The following ANKRD30B variants were observed in gnomAD, a reference collection of about 807,000 sequenced individuals.
ANKRD30B encodes the protein ankyrin repeat domain 30B.
Under a neutral mutation model 202.2 loss-of-function variants are expected in ANKRD30B, and 144 were observed. The observed-to-expected ratio is 0.71, with a 90% CI of 0.62 to 0.82. ANKRD30B has a LOEUF of 0.82. ANKRD30B is among the 40% of genes least tolerant of loss of function. The pLI is 0.00. For missense variants in ANKRD30B, 1,487 were observed against 1,669.1 expected, an observed-to-expected ratio of 0.89 and a Z score of 1.90; for synonymous variants, 508 against 561.3, an observed-to-expected ratio of 0.91 and a Z score of 1.34.
chr18:14,874,679 C>G, the ANKRD30B span, among the ~76,000 whole-genome samples: 1 of 152,086 alleles, frequency 6.6e-6, no homozygotes, highest in Non-Finnish European at 1.5e-5. Flanking sequence ...TGGCCACCCT[C>G]CCGAAGTTGT....
the ANKRD30B span, among the ~76,000 whole-genome samples, chr18:14,907,729 C>T: frequency 2.7e-3 from 407 of 152,280 alleles, 1 homozygote; most frequent in Non-Finnish European, 4.3e-3. Flanking sequence ...CACTGGCCTC[C>T]CAAGCGTCCT....
the ANKRD30B span, among the ~76,000 whole-genome samples, chr18:14,867,363 G>C: frequency 6.6e-6 from 1 of 151,420 alleles, no homozygotes; most frequent in Non-Finnish European, 1.5e-5. Flanking sequence ...GCTGCTGCCA[G>C]CAGCAGGTTG....
At chr18:14,882,657 T>A in the ANKRD30B span, among the ~76,000 whole-genome samples, 5 of 152,186 alleles carry the variant, frequency 3.3e-5, no homozygotes, top group East Asian at 7.7e-4. Flanking sequence ...CAGTGTTTCT[T>A]TGTTGACTTT....
intron 1 of ANKRD30B, among the ~76,000 whole-genome samples, 177 bp downstream of exon 1, chr18:14,748,817 C>G (rs1401765083): frequency 6.6e-6 from 1 of 152,168 alleles, no homozygotes; most frequent in Non-Finnish European, 1.5e-5. Flanking sequence ...TCAGGCCCCC[C>G]AGGCCTGGGA....
At chr18:14,908,170 A>T in the ANKRD30B span, among the ~76,000 whole-genome samples, 1 of 152,196 alleles carries the variant, frequency 6.6e-6, no homozygotes, top group Non-Finnish European at 1.5e-5. Context: ...TTTTGGTTGT[A>T]TGAAGCCTCA....
the ANKRD30B span, among the ~76,000 whole-genome samples, chr18:14,923,156 T>A: frequency 0.53 from 80,883 of 151,952 alleles, 21,784 homozygotes; most frequent in African/African-American, 0.58. Flanking sequence ...AATGTGCTGG[T>A]TTCAGTAACC....
At chr18:14,920,073 A>G in the ANKRD30B span, among the ~76,000 whole-genome samples, 174 of 152,380 alleles carry the variant, frequency 1.1e-3, 5 homozygotes, top group South Asian at 0.034. Flanking sequence ...AGAGAGGGTC[A>G]GTAAACAAGG....
chr18:14,865,276 A>C, the ANKRD30B span, among the ~76,000 whole-genome samples: 2 of 147,446 alleles, frequency 1.4e-5, no homozygotes, highest in South Asian at 2.2e-4. Context: ...ATCTACCTAA[A>C]AGCTTCTCTC....
chr18:14,934,953 A>G, the ANKRD30B span, among the ~76,000 whole-genome samples: 2 of 134,578 alleles, frequency 1.5e-5, no homozygotes, highest in African/African-American at 2.9e-5. Flanking sequence ...CACACACCCC[A>G]TCGTGTCTGC....
the ANKRD30B span, among the ~76,000 whole-genome samples, chr18:14,932,334 TTTG>T: frequency 6.6e-5 from 10 of 150,734 alleles, no homozygotes; most frequent in African/African-American, 2.2e-4. Flanking sequence ...TCTCTATCTT[TTTG>T]TTGTTGTTGT....
chr18:14,832,266 T>TGCCA (rs1239118799), intron 34 of ANKRD30B, among the ~76,000 whole-genome samples: 2 of 152,176 alleles, frequency 1.3e-5, no homozygotes, highest in Non-Finnish European at 1.5e-5. Flanking sequence ...TATTAAGGCA[T>TGCCA]GTGAGGATGT....
intron 10 of ANKRD30B, among the ~76,000 whole-genome samples, chr18:14,779,094 G>A (rs987087123): frequency 4.6e-5 from 7 of 152,162 alleles, no homozygotes; most frequent in African/African-American, 7.2e-5. Context: ...GGCAGGACAC[G>A]GGATAAGAGA....
intron 32 of ANKRD30B, among the ~76,000 whole-genome samples, chr18:14,825,983 G>A (rs1970641417): frequency 6.6e-6 from 1 of 152,132 alleles, no homozygotes; most frequent in Admixed American, 6.6e-5. Flanking sequence ...ACAGTCATGG[G>A]ACAGACCAAC....
chr18:14,755,172 A>G (rs1914139738), intron 4 of ANKRD30B, among the ~76,000 whole-genome samples, 167 bp downstream of exon 4: 1 of 152,200 alleles, frequency 6.6e-6, no homozygotes, highest in Admixed American at 6.5e-5. Context: ...GGACTGGTCA[A>G]CATAAAAAAC....
the ANKRD30B span, among the ~76,000 whole-genome samples, chr18:14,937,198 C>A: frequency 2.5e-3 from 383 of 152,290 alleles, 1 homozygote; most frequent in African/African-American, 8.9e-3. Context: ...GCACTTTGGT[C>A]ATGAGTGTAA....
chr18:14,933,022 C>T, the ANKRD30B span, among the ~76,000 whole-genome samples: 1 of 152,200 alleles, frequency 6.6e-6, no homozygotes, highest in Non-Finnish European at 1.5e-5. Context: ...AGTGAATCAT[C>T]AATTTTGTTT....
intron 6 of ANKRD30B, among the ~76,000 whole-genome samples, chr18:14,762,495 G>A (rs1045700967): frequency 2.0e-5 from 3 of 152,124 alleles, no homozygotes; most frequent in African/African-American, 7.2e-5. Context: ...ACGTAGTCTT[G>A]TACCAACAAG....
chr18:14,828,634 T>C (rs538174847), intron 33 of ANKRD30B, among the ~76,000 whole-genome samples: 4 of 152,334 alleles, frequency 2.6e-5, no homozygotes, highest in Non-Finnish European at 5.9e-5. Flanking sequence ...GATGGAGACC[T>C]GTGGATCACT....
At chr18:14,806,384 A>G (rs1277861733) in intron 24 of ANKRD30B, among the ~76,000 whole-genome samples, 3 of 151,032 alleles carry the variant, frequency 2.0e-5, no homozygotes, top group Admixed American at 2.0e-4. Context: ...TTAAAAGTGA[A>G]GTAATTAAAA....
Sources: gnomAD v4.1 joint callset for allele counts (sites outside exome capture counted in the v4.1 genomes callset) on GRCh38, gnomAD v4.1.1 for gene constraint, MANE v1.5 for transcripts, NCBI Gene and HGNC (gene_info 2026-07-23, HGNC 2026-07-21) for gene names.